Variants in TRPS1 observed in about 807,000 individuals in gnomAD.
TRPS1 encodes the protein transcriptional repressor GATA binding 1.
Under a neutral mutation model 101.2 loss-of-function variants are expected in TRPS1, and 6 were observed. The ratio of observed to expected loss-of-function variants is 0.06; its 90% CI spans 0.03 to 0.12. The LOEUF (loss-of-function observed/expected upper bound fraction) is 0.12. Ranked by LOEUF, TRPS1 falls within the 10% of genes least tolerant of loss-of-function variation. The probability of loss-of-function intolerance (pLI) is 1.00; values close to 1 mark genes in which losing one functional copy is unlikely to be tolerated. For synonymous variants in TRPS1, 578 were observed against 589.8 expected (o/e 0.98, Z 0.29); for missense variants, 1,363 against 1,567.0 (o/e 0.87, Z 2.20).
intron 5 of TRPS1, among the ~76,000 whole-genome samples, chr8:115,496,745 G>A (rs1815158313): frequency 6.6e-6 from 1 of 152,128 alleles, no homozygotes; most frequent in African/African-American, 2.4e-5. Context: ...AAAACTCACT[G>A]AATTCTGACT....
intron 5 of TRPS1, among the ~76,000 whole-genome samples, chr8:115,533,461 C>CTTTTTT (rs1381965854): frequency 1.4e-4 from 2 of 14,254 alleles, no homozygotes; most frequent in Non-Finnish European, 2.4e-4. Context: ...TTTTTTTTTC[C>CTTTTTT]TGAAAAAAAT....
intron 6 of TRPS1, 134 bp from the exon 7 acceptor site, chr8:115,415,218 TCTC>T (rs1362159833): frequency 8.3e-6 from 8 of 965,820 alleles, no homozygotes; most frequent in Non-Finnish European, 1.2e-5. Context: ...ATTTACTAAA[TCTC>T]CTCCTTTTGC....
chr8:115,591,710 C>A (rs1482965902), intron 4 of TRPS1, among the ~76,000 whole-genome samples: 1 of 152,090 alleles, frequency 6.6e-6, no homozygotes, highest in East Asian at 1.9e-4. Context: ...GAATAAAGTA[C>A]AAAGGAAACA....
intron 1 of TRPS1, among the ~76,000 whole-genome samples, chr8:115,653,072 T>C (rs1278974578): frequency 6.6e-6 from 1 of 152,150 alleles, no homozygotes; most frequent in Non-Finnish European, 1.5e-5. Flanking sequence ...AAGCCCAGAA[T>C]AAGAGCTATT....
At chr8:115,647,494 C>A (rs527300437) in intron 1 of TRPS1, among the ~76,000 whole-genome samples, 5 of 152,254 alleles carry the variant, frequency 3.3e-5, no homozygotes, top group African/African-American at 1.2e-4. Context: ...GCCTTAGTCA[C>A]TCCAAAAGGC....
chr8:115,536,349 T>C (rs1371581163), intron 5 of TRPS1, among the ~76,000 whole-genome samples: 1 of 151,784 alleles, frequency 6.6e-6, no homozygotes, highest in African/African-American at 2.4e-5. Context: ...TGAAACCCCA[T>C]CGCTACTAAA....
At chr8:115,525,608 G>A (rs539825613) in intron 5 of TRPS1, among the ~76,000 whole-genome samples, 1 of 152,096 alleles carries the variant, frequency 6.6e-6, no homozygotes, top group Non-Finnish European at 1.5e-5. Flanking sequence ...CTATAGTGTT[G>A]ATTTTCATTA....
intron 5 of TRPS1, among the ~76,000 whole-genome samples, chr8:115,528,604 T>G (rs1816057049): frequency 6.6e-6 from 1 of 152,048 alleles, no homozygotes; most frequent in East Asian, 1.9e-4. Context: ...CCAGCTACTA[T>G]CCTCAGAATG....
chr8:115,645,083 A>T (rs1211953271), intron 1 of TRPS1, among the ~76,000 whole-genome samples: 2 of 152,226 alleles, frequency 1.3e-5, no homozygotes, highest in Admixed American at 1.3e-4. Context: ...GACATAAGGT[A>T]AACACATATT....
At chr8:115,535,555 A>C (rs1816296215) in intron 5 of TRPS1, among the ~76,000 whole-genome samples, 1 of 149,722 alleles carries the variant, frequency 6.7e-6, no homozygotes, top group Admixed American at 6.7e-5. Context: ...GCGCATATAT[A>C]TATATATATA....
chr8:115,603,050 CACTG>C (rs1381329374), intron 4 of TRPS1, among the ~76,000 whole-genome samples: 1 of 152,140 alleles, frequency 6.6e-6, no homozygotes, highest in African/African-American at 2.4e-5. Flanking sequence ...TCCATGAGGG[CACTG>C]ACTATGTCTT....
intron 1 of TRPS1, among the ~76,000 whole-genome samples, chr8:115,642,275 T>A (rs960839645): frequency 7.4e-5 from 11 of 148,012 alleles, no homozygotes; most frequent in African/African-American, 2.7e-4. Context: ...CACATACACA[T>A]TCAAGACACT....
intron 5 of TRPS1, among the ~76,000 whole-genome samples, chr8:115,448,887 G>A (rs1048595310): frequency 2.0e-5 from 3 of 152,046 alleles, no homozygotes; most frequent in Non-Finnish European, 4.4e-5. Flanking sequence ...AAACTTCGTC[G>A]ATCATCTTTT....
chr8:115,522,508 A>G (rs1563572812), intron 5 of TRPS1, among the ~76,000 whole-genome samples: 1 of 152,070 alleles, frequency 6.6e-6, no homozygotes. Context: ...GTCGCTTTAT[A>G]ATATGAAAAG....
intron 5 of TRPS1, among the ~76,000 whole-genome samples, chr8:115,468,634 GAC>G (rs898595041): frequency 2.0e-5 from 3 of 152,106 alleles, no homozygotes; most frequent in African/African-American, 4.8e-5. Flanking sequence ...CTCAATGGCA[GAC>G]ACACACACAA....
At chr8:115,613,206 C>T (rs1818208551) in intron 3 of TRPS1, among the ~76,000 whole-genome samples, 1 of 152,188 alleles carries the variant, frequency 6.6e-6, no homozygotes. Flanking sequence ...ACCTTATTCG[C>T]TCTACCAGAA....
intron 3 of TRPS1, among the ~76,000 whole-genome samples, chr8:115,612,263 TGAG>T (rs746376769): frequency 3.0e-5 from 4 of 132,176 alleles, no homozygotes; most frequent in African/African-American, 5.7e-5. Context: ...GAGAGGAAGA[TGAG>T]GAGGAGGAGG....
chr8:115,606,599 C>T (rs1446196000), intron 3 of TRPS1, among the ~76,000 whole-genome samples: 1 of 152,044 alleles, frequency 6.6e-6, no homozygotes, highest in Non-Finnish European at 1.5e-5. Context: ...CAGGCAGCAA[C>T]CTGACAATCA....
rs1811921138 is a variant in TRPS1, at chr8:115,666,335, G to C, written c.-122+2210C>G. 2.0e-5 allele frequency among the ~76,000 whole-genome samples: 3 copies of C among 151,402 alleles called. No homozygotes were observed. In the South Asian group the frequency reaches 6.2e-4, roughly 32 times the overall value. On this transcript the variant is annotated intron_variant, in intron 1 of 6. Coordinates refer to ENST00000395715, the MANE Select transcript of TRPS1 (RefSeq NM_014112.5). Reference sequence around the variant, plus strand: ...GTATCATTTCCAGACTGTCCTGTCAGCATCAGAACTTACAGGAAACGCTTC... The same window carrying C: ...GTATCATTTCCAGACTGTCCTGTCACCATCAGAACTTACAGGAAACGCTTC...
Sources: gnomAD v4.1 joint callset for allele counts (sites outside exome capture counted in the v4.1 genomes callset) on GRCh38, gnomAD v4.1.1 for gene constraint, MANE v1.5 for transcripts, NCBI Gene and HGNC (gene_info 2026-07-23, HGNC 2026-07-21) for gene names.